The following PRKDC variants were observed in gnomAD, a reference collection of about 807,000 sequenced individuals.
The protein encoded by PRKDC is protein kinase, DNA-activated, catalytic subunit.
In PRKDC, 82 loss-of-function variants were observed where a neutral mutation model predicts 486.9. That is an observed-to-expected ratio of 0.17 (90% CI 0.14 to 0.20). The LOEUF (loss-of-function observed/expected upper bound fraction) is 0.20. Among genes scored for constraint, PRKDC ranks in the 10% least tolerant of loss-of-function variants. The pLI is 1.00. For missense variants in PRKDC, 4,504 were observed against 5,038.2 expected (o/e 0.89, Z 3.21); for synonymous variants, 1,895 against 1,837.0 (o/e 1.03, Z -0.81).
rs1288387228 is a variant in PRKDC at position 47,779,910 on chromosome 8, GTC to G, written c.11490-819_11490-818del. ...GCCTCTTTTTCTTTTGTTTTGTTTT[GTC>G]TTTTTTTTTTTTTTTTTTTTGAGAC... is the stretch of plus-strand genomic sequence containing the variant. On this transcript the variant is annotated intron_variant, in intron 80 of 85. Transcript: ENST00000314191. 1.5e-4 allele frequency among the ~76,000 whole-genome samples: 17 copies of G among 113,908 alleles called. No homozygotes were observed. In the Admixed American group the frequency reaches 1.6e-3, roughly 10 times the overall value. The allele number at this position is 113,908 out of a possible 152,430, so 74.7% of individuals were successfully genotyped here. A position where few individuals can be genotyped will look rare whatever the true frequency, so the allele number is the denominator to read the frequency against.
At chr8:47,793,908 G>A (rs1346592469) in intron 74 of PRKDC, among the ~76,000 whole-genome samples, 4 of 152,078 alleles carry the variant, frequency 2.6e-5, no homozygotes, top group Non-Finnish European at 2.9e-5. Flanking sequence ...TCATAAATCC[G>A]TTTAAGAGTG....
Position 47,927,846 on chromosome 8 carries a change from A to G in PRKDC, c.2184T>C (p.Ser728=). The G allele has an allele frequency of 1.3e-6, 2 of 1,598,138 alleles. No homozygotes were observed. The highest frequency in any genetic ancestry group is 1.7e-6 in the Non-Finnish European group (2 of 1,173,130). The change falls in exon 20 of 86, where the codon TCT becomes TCC. Residue 728 remains serine (S), a synonymous_variant. Coordinates refer to ENST00000314191, the MANE Select transcript of PRKDC (RefSeq NM_006904.7). Reference sequence around the variant, plus strand: ...GCAAGGACAGAAGAAAGGTCAAACAAGAGGCCAAAAGTTCATCTTTGTACT... The same window carrying G: ...GCAAGGACAGAAGAAAGGTCAAACAGGAGGCCAAAAGTTCATCTTTGTACT... The part of the protein sequence containing the change: ...MKQYKDELLA[S]CLTFLLSLPH...
In PRKDC at chr8:47,855,300, C is replaced by G. The variant is rs1225244418; in HGVS notation, c.6683G>C (p.Arg2228Thr). Residue 2228 changes from arginine (R) to threonine (T), a missense_variant, in exon 50 of 86, where the codon AGA becomes ACA. Arg to Thr is a moderately conservative substitution (Grantham distance 71). This residue lies in a region of PRKDC where 1,592 missense variants were observed against 1,724.6 expected (regional missense o/e 0.92). Transcript: ENST00000314191. ...FLMKHVFHPK[R>T]AVFRHNLEII... ...TTCAAGGTTGTGTCTAAACACAGCT[C>G]TTTTTGGATGAAAGACATGTTTCAT... 3 of 1,601,624 alleles carry G rather than the reference C, an allele frequency of 1.9e-6. No homozygotes were observed. Among genetic ancestry groups the G allele is most frequent in the Middle Eastern group, 1.7e-4 (1 of 6,036 alleles).
At chr8:47,922,930 T>A (rs1192265013) in intron 21 of PRKDC, among the ~76,000 whole-genome samples, 1 of 152,128 alleles carries the variant, frequency 6.6e-6, no homozygotes, top group Non-Finnish European at 1.5e-5. Flanking sequence ...ACAGGACAAA[T>A]CTCGGAAAGC....
At chr8:47,914,225 TACA>T (rs762868217) in intron 23 of PRKDC, among the ~76,000 whole-genome samples, 161 bp from the exon 24 acceptor site, 1 of 152,242 alleles carries the variant, frequency 6.6e-6, no homozygotes, top group Non-Finnish European at 1.5e-5. Flanking sequence ...GATATGTAAT[TACA>T]ACATCAGAAA....
chr8:47,918,344 C>G lies in PRKDC; in HGVS notation c.2459G>C (p.Arg820Pro). 1 of 1,592,454 alleles carries G rather than the reference C, an allele frequency of 6.3e-7. No individual in the cohort carries two copies. Among genetic ancestry groups the G allele is most frequent in the Non-Finnish European group, 8.6e-7 (1 of 1,168,230 alleles). Residue 820 changes from arginine (R) to proline (P), a missense_variant, in exon 22 of 86, where the codon CGG becomes CCG. Arg to Pro is a moderately radical substitution (Grantham distance 103). This residue lies in a region of PRKDC where 1,969 missense variants were observed against 2,068.9 expected (regional missense o/e 0.95). Transcript: ENST00000314191. ...KNNWEVSALS[R>P]AAQKGFNKVV... ...TTTATTAAATCCTTTCTGGGCAGCC[C>G]GAGAAAGAGCTGACACTTCCCAGTT...
chr8:47,839,978 A>C, intron 55 of PRKDC, 38 bp downstream of exon 55: 1 of 1,481,956 alleles, frequency 6.7e-7, no homozygotes, highest in Non-Finnish European at 9.1e-7. Context: ...CCTTATCTCA[A>C]AAAAGTAACA....
At position 47,830,655 on chromosome 8, in the gene PRKDC, T is replaced by A; in HGVS notation, c.8347A>T (p.Ile2783Phe). 6.2e-7 allele frequency: 1 copy of A among 1,614,030 alleles called. No homozygotes were observed. The highest frequency in any genetic ancestry group is 8.5e-7 in the Non-Finnish European group (1 of 1,179,882). ...RSYRHGDLPD[I>F]QIKHSSLITP... ...ATGAGGCTGCTGTGCTTGATCTGAA[T>A]GTCAGGAAGGTCTCCGTGCCGGTAG... Residue 2783 changes from isoleucine (I) to phenylalanine (F), a missense_variant, in exon 61 of 86, where the codon ATT (isoleucine) becomes TTT (phenylalanine). Physicochemically the swap from Ile to Phe is conservative, Grantham distance 21 (BLOSUM62 0). Around this residue, in one of 6 missense-constraint regions of PRKDC, gnomAD observed 1,592 missense variants for 1,724.6 expected, o/e 0.92. Coordinates refer to ENST00000314191, the MANE Select transcript of PRKDC (RefSeq NM_006904.7).
At chr8:47,812,741 T>C (rs1487580428) in intron 68 of PRKDC, among the ~76,000 whole-genome samples, 1 of 151,950 alleles carries the variant, frequency 6.6e-6, no homozygotes, top group Non-Finnish European at 1.5e-5. Flanking sequence ...AAGACGATAC[T>C]AGAAATCAAT....
rs578194223 is a variant in PRKDC at position 47,886,059 on chromosome 8, G to A, written c.4661C>T (p.Ser1554Phe). 3.1e-6 allele frequency: 5 copies of A among 1,613,756 alleles called. No homozygotes were observed. The African/African-American group carries it at 6.7e-5, about 22-fold the overall frequency. The stretch of plus-strand genomic sequence containing the variant: ...CAAGCTATAGAAATACTCCCCATGG[G>A]AGAAGTGGATGACGCTGCCCTGTGA... ...GSSQGSVIHF[S>F]HGEYFYSLFS... The change falls in exon 36 of 86, where the codon TCC becomes TTC. Residue 1554 changes from serine (S) to phenylalanine (F), a missense_variant. Physicochemically the swap from Ser to Phe is radical, Grantham distance 155. This residue lies in a region of PRKDC where 1,969 missense variants were observed against 2,068.9 expected (regional missense o/e 0.95). Transcript: ENST00000314191.
intron 34 of PRKDC, 48 bp from the exon 35 acceptor site, chr8:47,887,753 GA>G (rs761095818): frequency 2.0e-6 from 3 of 1,524,336 alleles, no homozygotes; most frequent in Admixed American, 2.3e-5. Context: ...ATATTTCTTA[GA>G]AAAAAACAAC....
chr8:47,819,337 T>C, intron 67 of PRKDC, 65 bp downstream of exon 67: 1 of 1,093,072 alleles, frequency 9.1e-7, no homozygotes. Flanking sequence ...AAGCAGAAAA[T>C]AATTTAGATG....
chr8:47,947,561 A>G (rs1244526457), intron 7 of PRKDC, among the ~76,000 whole-genome samples: 1 of 152,188 alleles, frequency 6.6e-6, no homozygotes. Context: ...TCAGCTCAGG[A>G]GTTCAAGACA....
Position 47,893,332 on chromosome 8 carries a change from A to G in PRKDC, c.3654T>C (p.Ser1218=). The G allele has an allele frequency of 6.3e-7, 1 of 1,581,590 alleles. No individual in the cohort carries two copies. The highest frequency in any genetic ancestry group is 8.6e-7 in the Non-Finnish European group (1 of 1,158,298). ...CCCCCTCAAAGGTGTTGATGAGAAA[A>G]GAGACACCTTCTTCCTTGAGAACAT... is the stretch of plus-strand genomic sequence containing the variant. ...LKDVLKEEGV[S]FLINTFEGGG... The change falls in exon 31 of 86, where the codon TCT becomes TCC. Residue 1218 remains serine (S), a synonymous_variant. Coordinates refer to ENST00000314191, the MANE Select transcript of PRKDC (RefSeq NM_006904.7).
intron 58 of PRKDC, among the ~76,000 whole-genome samples, chr8:47,835,045 C>T (rs560701736): frequency 1.2e-4 from 19 of 152,198 alleles, no homozygotes; most frequent in African/African-American, 4.6e-4. Flanking sequence ...TCATATTAGT[C>T]CCACTTCCAG....
At chr8:47,942,376 C>G (rs1311656813) in intron 10 of PRKDC, among the ~76,000 whole-genome samples, 2 of 152,110 alleles carry the variant, frequency 1.3e-5, no homozygotes, top group Non-Finnish European at 2.9e-5. Flanking sequence ...GAGGGACAGG[C>G]GGCAGAGGCA....
Position 47,896,775 on chromosome 8 carries a change from C to A in PRKDC, c.3598+386G>T, listed in dbSNP as rs576666232. 5.8e-4 allele frequency among the ~76,000 whole-genome samples: 88 copies of A among 152,312 alleles called. 1 individual carries two copies. The highest frequency in any genetic ancestry group is 4.4e-5 in the Non-Finnish European group (3 of 68,024). ...ACAATGGGGGAAGGCAGGGCTTGAT[C>A]TGTCCTGAGCACAGCTTCCCCACTC... On this transcript the variant is annotated intron_variant, in intron 30 of 85. Coordinates refer to ENST00000314191, the MANE Select transcript of PRKDC (RefSeq NM_006904.7).
chr8:47,930,887 CGAAG>C, intron 16 of PRKDC, 100 bp from the exon 17 acceptor site: 4 of 1,160,100 alleles, frequency 3.4e-6, no homozygotes, highest in Non-Finnish European at 4.8e-6. Context: ...CCTGATGCTA[CGAAG>C]AAAGATTGCA....
intron 80 of PRKDC, among the ~76,000 whole-genome samples, chr8:47,781,892 T>C (rs995954470): frequency 6.6e-6 from 1 of 152,256 alleles, no homozygotes; most frequent in African/African-American, 2.4e-5. Context: ...GAAAATGTTT[T>C]ACTACATGTT....
Sources: gnomAD v4.1 joint callset for allele counts (sites outside exome capture counted in the v4.1 genomes callset) on GRCh38, gnomAD v4.1.1 for gene constraint, gnomAD v4.1.1 regional missense constraint, MANE v1.5 for transcripts, NCBI Gene and HGNC (gene_info 2026-07-23, HGNC 2026-07-21) for gene names.